DTNA: variants seen among roughly 807,000 people sequenced by gnomAD.
The protein encoded by DTNA is dystrobrevin alpha.
A neutral mutation model predicts 100.7 loss-of-function variants in DTNA; 43 were observed. The ratio of observed to expected loss-of-function variants is 0.43; its 90% CI spans 0.33 to 0.55. The LOEUF (loss-of-function observed/expected upper bound fraction) is 0.55. DTNA is among the 20% of genes least tolerant of loss of function. The probability of loss-of-function intolerance (pLI) is 0.04; values close to 1 mark genes in which losing one functional copy is unlikely to be tolerated. For missense variants in DTNA, 798 were observed against 953.9 expected, an observed-to-expected ratio of 0.84 and a Z score of 2.15; for synonymous variants, 349 against 347.9, an observed-to-expected ratio of 1.00 and a Z score of -0.04.
chr18:34,800,980 A>G (rs1262622313), intron 4 of DTNA, among the ~76,000 whole-genome samples: 1 of 151,940 alleles, frequency 6.6e-6, no homozygotes, highest in African/African-American at 2.4e-5. Flanking sequence ...AGACTAAAGC[A>G]GTTTCTCACT....
chr18:34,877,223 A>G (rs1267914124), intron 18 of DTNA, among the ~76,000 whole-genome samples: 1 of 152,172 alleles, frequency 6.6e-6, no homozygotes, highest in East Asian at 1.9e-4. Context: ...GAGCTCCAAG[A>G]GCCCTGATAG....
intron 1 of DTNA, among the ~76,000 whole-genome samples, chr18:34,674,103 A>G (rs1276891859): frequency 1.3e-5 from 2 of 152,214 alleles, no homozygotes; most frequent in Non-Finnish European, 1.5e-5. Flanking sequence ...TAGTCCAAAG[A>G]TTTAAAAACT....
chr18:34,806,703 C>T (rs2095369327), intron 5 of DTNA, among the ~76,000 whole-genome samples: 1 of 152,172 alleles, frequency 6.6e-6, no homozygotes. Flanking sequence ...TCATTCTTCT[C>T]AGCCAGCACT....
intron 1 of DTNA, among the ~76,000 whole-genome samples, chr18:34,518,943 A>G (rs950068394): frequency 6.6e-6 from 1 of 152,096 alleles, no homozygotes; most frequent in Non-Finnish European, 1.5e-5. Flanking sequence ...GAGTAGGTGT[A>G]AGCCATTGCA....
At chr18:34,705,345 A>T (rs2081979490), upstream of DTNA, among the ~76,000 whole-genome samples, 1 of 152,208 alleles carries the variant, frequency 6.6e-6, no homozygotes, top group African/African-American at 2.4e-5. Context: ...CCCACCTCAA[A>T]GTAACTACCA....
chr18:34,889,857 C>T lies in DTNA; in HGVS notation c.*2123C>T, dbSNP rs533164004. The T allele has an allele frequency of 1.3e-4, 129 of 994,608 alleles. No individual in the cohort carries two copies. The highest frequency in any genetic ancestry group is 9.2e-4 in the African/African-American group (53 of 57,476). The allele number at this position is 994,608 out of a possible 1,614,324, so 61.6% of individuals were successfully genotyped here. A position where few individuals can be genotyped will look rare whatever the true frequency, so the allele number is the denominator to read the frequency against. On this transcript the variant is annotated 3_prime_UTR_variant, in exon 23 of 23. Coordinates refer to ENST00000444659, the MANE Select transcript of DTNA (RefSeq NM_001386795.1). ...TCTTTGCACAGATTGATTTTTATTG[C>T]GGGTTTTGTTGGGGTGTCTTAATGT... is the stretch of plus-strand genomic sequence containing the variant.
At chr18:34,883,376 A>G (rs1392036485) in intron 21 of DTNA, among the ~76,000 whole-genome samples, 4 of 151,816 alleles carry the variant, frequency 2.6e-5, no homozygotes, top group Admixed American at 1.3e-4. Context: ...CAGTTGCCCA[A>G]TCATAGCTCA....
intron 17 of DTNA, chr18:34,867,884 G>A (rs980448501): frequency 3.0e-6 from 3 of 985,326 alleles, no homozygotes; most frequent in African/African-American, 3.5e-5. Context: ...GTACTGCGGT[G>A]TCGGTACCCA....
intron 4 of DTNA, 148 bp from the exon 5 acceptor site, chr18:34,806,071 T>C: frequency 1.5e-6 from 1 of 667,782 alleles, no homozygotes; most frequent in Non-Finnish European, 2.6e-6. Context: ...TTTTATAAAA[T>C]GGATGTGCCC....
intron 1 of DTNA, among the ~76,000 whole-genome samples, chr18:34,564,330 G>T (rs1205733257): frequency 3.3e-5 from 5 of 152,104 alleles, no homozygotes; most frequent in Non-Finnish European, 7.4e-5. Flanking sequence ...TTTTAGTAGA[G>T]ACAGGGTTTC....
intron 1 of DTNA, among the ~76,000 whole-genome samples, chr18:34,579,334 G>C (rs2685551): frequency 6.6e-6 from 1 of 152,176 alleles, no homozygotes; most frequent in Non-Finnish European, 1.5e-5. Context: ...TAGGTAGACA[G>C]ATGGTAATTT....
intron 1 of DTNA, among the ~76,000 whole-genome samples, chr18:34,548,085 G>C (rs914340517): frequency 3.9e-5 from 6 of 152,144 alleles, no homozygotes; most frequent in African/African-American, 1.4e-4. Flanking sequence ...TCTGTTTCTT[G>C]AGGCTTAGGA....
At chr18:34,864,512 C>T (rs916921701) in intron 17 of DTNA, among the ~76,000 whole-genome samples, 4 of 152,152 alleles carry the variant, frequency 2.6e-5, no homozygotes, top group Non-Finnish European at 5.9e-5. Flanking sequence ...CTCGGCCTCC[C>T]AAAGTGCTGG....
At chr18:34,621,913 T>G (rs947223489) in intron 1 of DTNA, among the ~76,000 whole-genome samples, 1 of 152,154 alleles carries the variant, frequency 6.6e-6, no homozygotes, top group African/African-American at 2.4e-5. Flanking sequence ...AACAACACAT[T>G]GTACATAGTA....
chr18:34,728,605 A>G (rs2087314117), intron 1 of DTNA, among the ~76,000 whole-genome samples: 1 of 152,204 alleles, frequency 6.6e-6, no homozygotes, highest in African/African-American at 2.4e-5. Flanking sequence ...TTATGTAAAT[A>G]ACAAGGACTT....
intron 4 of DTNA, among the ~76,000 whole-genome samples, chr18:34,796,782 G>A (rs1380857533): frequency 6.6e-6 from 1 of 152,136 alleles, no homozygotes; most frequent in Non-Finnish European, 1.5e-5. Context: ...GGAGGGGATG[G>A]TGCCTTAAAA....
intron 1 of DTNA, among the ~76,000 whole-genome samples, chr18:34,731,465 G>A (rs905088757): frequency 5.3e-5 from 8 of 150,890 alleles, no homozygotes; most frequent in African/African-American, 2.4e-5. Flanking sequence ...CAGCCTGGGC[G>A]ACAGAGCGAG....
At chr18:34,726,735 G>A (rs1479181895) in intron 1 of DTNA, among the ~76,000 whole-genome samples, 1 of 152,202 alleles carries the variant, frequency 6.6e-6, no homozygotes, top group African/African-American at 2.4e-5. Context: ...CTGCTCTCCT[G>A]GATTGGAGTT....
At chr18:34,827,802 T>C (rs2095894366) in intron 10 of DTNA, 126 bp downstream of exon 10, 1 of 984,026 alleles carries the variant, frequency 1.0e-6, no homozygotes, top group Admixed American at 1.9e-5. Context: ...CTTGCAAATA[T>C]CCATTATAAG....
Sources: allele counts gnomAD v4.1 joint callset (sites outside exome capture counted in the v4.1 genomes callset), GRCh38; gene constraint gnomAD v4.1.1; transcripts MANE v1.5; gene names NCBI Gene and HGNC (gene_info 2026-07-23, HGNC 2026-07-21).